The following SMC2 variants were observed in gnomAD, a reference collection of about 807,000 sequenced individuals.
The protein encoded by SMC2 is structural maintenance of chromosomes protein 2.
Under a neutral mutation model 142.6 loss-of-function variants are expected in SMC2, and 41 were observed. The observed-to-expected ratio is 0.29, with a 90% confidence interval of 0.22 to 0.37. SMC2 has a LOEUF of 0.37. SMC2 is among the 10% of genes least tolerant of loss of function. SMC2 has a pLI of 1.00. For synonymous variants in SMC2, 463 were observed against 457.5 expected, an observed-to-expected ratio of 1.01 and a Z score of -0.15; for missense variants, 1,265 against 1,373.7, an observed-to-expected ratio of 0.92 and a Z score of 1.25.
Position 104,139,357 on chromosome 9 carries a change from G to A in SMC2, c.*42G>A. On this transcript the variant is annotated 3_prime_UTR_variant, in exon 25 of 25. Transcript: ENST00000374793. ...TTCATCTTGACCTGTTTTTTTAAAT[G>A]TAAACTTTTAAGGACTTGAGATAAC... The A allele has an allele frequency of 6.6e-7, 1 of 1,508,986 alleles. No individual in the cohort carries two copies. Among genetic ancestry groups the A allele is most frequent in the Non-Finnish European group, 8.9e-7 (1 of 1,124,482 alleles). 93.5% of individuals were successfully genotyped at this position (1,508,986 alleles called of 1,614,324 possible). A position where few individuals can be genotyped will look rare whatever the true frequency, so the allele number is the denominator to read the frequency against.
At chr9:104,097,997 A>G (rs111882444) in intron 3 of SMC2, among the ~76,000 whole-genome samples, 2 of 152,312 alleles carry the variant, frequency 1.3e-5, no homozygotes, top group African/African-American at 4.8e-5. Context: ...TTTCTTTTAA[A>G]TGGTCATAAA....
chr9:104,092,888 C>T (rs1830042389), upstream of SMC2: 1 of 152,136 alleles, frequency 6.6e-6, no homozygotes, highest in Non-Finnish European at 1.5e-5. Flanking sequence ...AATCCTAACT[C>T]CCGAACTGAC....
intron 23 of SMC2, among the ~76,000 whole-genome samples, 179 bp from the exon 24 acceptor site, chr9:104,137,835 AAAAG>A (rs1835717492): frequency 6.7e-6 from 1 of 149,498 alleles, no homozygotes; most frequent in Non-Finnish European, 1.5e-5. Flanking sequence ...AAGCTAAAAT[AAAAG>A]AAATAATATT....
Position 104,131,137 on chromosome 9 carries a change from C to T in SMC2, c.2992-872C>T, listed in dbSNP as rs148454653. ...TGAATTAGGAAGAGTTTTAGGAAGT[C>T]CCATTGCTGTTCATGGTATGATTAT... On this transcript the variant is annotated intron_variant, in intron 21 of 24. Transcript: ENST00000374793. 4.3e-3 allele frequency among the ~76,000 whole-genome samples: 656 copies of T among 152,126 alleles called. 8 individuals carry two copies. The highest frequency in any genetic ancestry group is 0.024 in the Middle Eastern group (7 of 294).
At chr9:104,122,995 A>G (rs762527581) in intron 16 of SMC2, 113 bp from the exon 17 acceptor site, 9 of 1,069,498 alleles carry the variant, frequency 8.4e-6, no homozygotes, top group Non-Finnish European at 1.2e-5. Flanking sequence ...GTAGCATCTT[A>G]TATTGTTTAT....
Position 104,134,317 on chromosome 9 carries a change from G to C in SMC2, c.3109-98G>C, listed in dbSNP as rs939914747. 4 of 825,832 alleles carry C rather than the reference G, an allele frequency of 4.8e-6. No homozygotes were observed. The African/African-American group carries it at 7.1e-5, about 15-fold the overall frequency. The allele number at this position is 825,832 out of a possible 1,614,324, so 51.2% of individuals were successfully genotyped here. On this transcript the variant is annotated intron_variant, in intron 22 of 24. Transcript: ENST00000374793. Reference sequence around the variant, plus strand: ...TGTCAGCCCCTGAGTTAGAGTAATAGACAAAGTAGACCTGCTGTGTTGCAT... The same window carrying C: ...TGTCAGCCCCTGAGTTAGAGTAATACACAAAGTAGACCTGCTGTGTTGCAT...
chr9:104,131,930 A>C (rs3780535), intron 21 of SMC2, 79 bp from the exon 22 acceptor site: 379,117 of 736,924 alleles, frequency 0.51, 102,224 homozygotes, highest in Middle Eastern at 0.58. Context: ...AATAATGAAA[A>C]CTGTTTATTT....
intron 17 of SMC2, 78 bp from the exon 18 acceptor site, chr9:104,124,834 C>A (rs1399952826): frequency 2.7e-6 from 3 of 1,109,336 alleles, no homozygotes; most frequent in African/African-American, 3.2e-5. Context: ...TTTTCCAAAC[C>A]ATTTCTTCTA....
At position 104,094,363 on chromosome 9, in the gene SMC2, G is replaced by C. The variant is rs1052343720; in HGVS notation, c.-176G>C. On this transcript the variant is annotated 5_prime_UTR_variant, in exon 1 of 25. Transcript: ENST00000374793. Reference sequence around the variant, plus strand: ...TGAGAGCGGTGTGGCAGGTGTTGTAGCCGCTATGGTGAAGTTCGCTTTGTA... The same window carrying C: ...TGAGAGCGGTGTGGCAGGTGTTGTACCCGCTATGGTGAAGTTCGCTTTGTA... 6 of 398,650 alleles carry C rather than the reference G, an allele frequency of 1.5e-5. No individual in the cohort carries two copies. Among genetic ancestry groups the C allele is most frequent in the Non-Finnish European group, 2.2e-5 (5 of 226,190 alleles). 24.7% of individuals were successfully genotyped at this position (398,650 alleles called of 1,614,324 possible).
At chr9:104,089,671 G>T (rs188477909), upstream of SMC2, among the ~76,000 whole-genome samples, 24 of 151,150 alleles carry the variant, frequency 1.6e-4, no homozygotes, top group East Asian at 4.6e-3. Context: ...TTTTTTTTTT[G>T]AAAAAGCTCT....
chr9:104,088,922 C>A, the SMC2 span, among the ~76,000 whole-genome samples: 17 of 151,716 alleles, frequency 1.1e-4, no homozygotes, highest in African/African-American at 4.1e-4. Context: ...ATCTATCCAC[C>A]AACAAAGTTA....
chr9:104,090,486 T>G (rs926720263), upstream of SMC2, among the ~76,000 whole-genome samples: 1 of 152,098 alleles, frequency 6.6e-6, no homozygotes, highest in Non-Finnish European at 1.5e-5. Context: ...ATAAAGAAGT[T>G]TGTTCTTTGG....
intron 9 of SMC2, among the ~76,000 whole-genome samples, chr9:104,103,467 A>G (rs1831394696): frequency 6.6e-6 from 1 of 152,252 alleles, no homozygotes; most frequent in African/African-American, 2.4e-5. Flanking sequence ...GAAAAGATCC[A>G]GTAGAAAAGT....
At position 104,107,605 on chromosome 9, in the gene SMC2, AG is replaced by A. The variant is rs1445972661; in HGVS notation, c.1021-3975del. Among the ~76,000 whole-genome samples, 3 of 152,246 alleles carry A rather than the reference AG, an allele frequency of 2.0e-5. No homozygotes were observed. In the East Asian group the frequency reaches 5.8e-4, roughly 29 times the overall value. ...CCCACATGGGTTATATGCTGTGTTT[AG>A]TACCCAAGAGACCTACCAGCTGTGG... On this transcript the variant is annotated intron_variant, in intron 9 of 24. Transcript: ENST00000374793.
intron 15 of SMC2, 54 bp downstream of exon 15, chr9:104,118,429 C>A (rs1465380335): frequency 2.1e-6 from 3 of 1,447,808 alleles, no homozygotes; most frequent in East Asian, 4.7e-5. Context: ...TAGGAAGATG[C>A]CTTTTTTAAG....
chr9:104,100,540 G>A, intron 7 of SMC2, 107 bp downstream of exon 7: 1 of 716,460 alleles, frequency 1.4e-6, no homozygotes, highest in Non-Finnish European at 2.3e-6. Context: ...TTTTTTTCCT[G>A]CGATGAGATA....
intron 22 of SMC2, among the ~76,000 whole-genome samples, chr9:104,133,660 A>ATCAAGTGC (rs1835221565): frequency 6.6e-6 from 1 of 152,102 alleles, no homozygotes; most frequent in Non-Finnish European, 1.5e-5. Flanking sequence ...CAAATCATCA[A>ATCAAGTGC]TCAAGTGCGT....
Position 104,102,476 on chromosome 9 carries a change from G to C in SMC2, c.923G>C (p.Arg308Pro). Residue 308 changes from arginine (R) to proline (P), a missense_variant, in exon 9 of 25, where the codon CGA becomes CCA. Transcript: ENST00000374793. ...GAAGATGCTCTTGCAGAGGCTCAGC[G>C]AGTTAATACTAAATCTCAAAGCGCA... Reference protein sequence around the residue: ...SLEDALAEAQRVNTKSQSAFD... With the variant: ...SLEDALAEAQPVNTKSQSAFD... The C allele has an allele frequency of 1.2e-6, 2 of 1,613,588 alleles. No homozygotes were observed. The highest frequency in any genetic ancestry group is 1.7e-6 in the Non-Finnish European group (2 of 1,179,722).
intron 17 of SMC2, among the ~76,000 whole-genome samples, chr9:104,124,080 C>G (rs561056958): frequency 2.0e-5 from 3 of 152,214 alleles, no homozygotes; most frequent in African/African-American, 7.2e-5. Context: ...AACACGTGTT[C>G]ATTCAGTATT....
Sources: allele counts gnomAD v4.1 joint callset (sites outside exome capture counted in the v4.1 genomes callset), GRCh38; gene constraint gnomAD v4.1.1; transcripts MANE v1.5; gene names NCBI Gene and HGNC (gene_info 2026-07-23, HGNC 2026-07-21).